Variants in SCNN1A observed in about 807,000 individuals in gnomAD.
The protein encoded by SCNN1A is sodium channel epithelial 1 subunit alpha.
In SCNN1A, 65 loss-of-function variants were observed where a neutral mutation model predicts 68.6. The observed-to-expected ratio is 0.95, with a 90% CI of 0.78 to 1.16. The LOEUF (loss-of-function observed/expected upper bound fraction) is 1.16. SCNN1A is among the 50% of genes most tolerant of loss of function. The pLI, the probability that SCNN1A is intolerant of heterozygous loss-of-function variation, is 0.00. For synonymous variants in SCNN1A, 357 were observed against 353.3 expected (o/e 1.01, Z -0.12); for missense variants, 880 against 865.9 (o/e 1.02, Z -0.20).
chr12:6,349,871 C>A lies in SCNN1A; in HGVS notation c.1361-466G>T. On this transcript the variant is annotated intron_variant, in intron 8 of 12. Transcript: ENST00000228916. ...CCTCCGGAGTAGCTGGGACTACAGG[C>A]GCCCGCCACCACGCCCGGCTAATTT... 3 of 168,388 alleles carry A rather than the reference C, an allele frequency of 1.8e-5. No individual in the cohort carries two copies. The South Asian group carries it at 3.6e-4, about 20-fold the overall frequency. The allele number at this position is 168,388 out of a possible 1,614,324, so 10.4% of individuals were successfully genotyped here. A position where few individuals can be genotyped will look rare whatever the true frequency, so the allele number is the denominator to read the frequency against.
chr12:6,355,197 C>T, intron 6 of SCNN1A, 75 bp downstream of exon 6: 1 of 1,521,030 alleles, frequency 6.6e-7, no homozygotes, highest in Non-Finnish European at 9.0e-7. Flanking sequence ...TCTCCCTCTC[C>T]AGCCTCCCAT....
rs747240615 is a variant in SCNN1A, at chr12:6,355,451, G to A, written c.980-16C>T. 7 of 1,613,348 alleles carry A rather than the reference G, an allele frequency of 4.3e-6. No homozygotes were observed. Among genetic ancestry groups the A allele is most frequent in the Admixed American group, 1.7e-5 (1 of 59,912 alleles). Reference sequence around the variant, plus strand: ...AGGGACAGACCTAGGGGTGCAGAGAGAGCAGAGTTGGCAGAGGCGGGAATC... The same window carrying A: ...AGGGACAGACCTAGGGGTGCAGAGAAAGCAGAGTTGGCAGAGGCGGGAATC... On this transcript the variant is annotated splice_polypyrimidine_tract_variant and intron_variant, in intron 5 of 12. Coordinates refer to ENST00000228916, the MANE Select transcript of SCNN1A (RefSeq NM_001038.6).
Position 6,360,787 on chromosome 12 carries a change from C to CA in SCNN1A, c.875+1263_875+1264insT, listed in dbSNP as rs559148240. On this transcript the variant is annotated intron_variant, in intron 4 of 12. Transcript: ENST00000228916. ...CCAGAGGTTACAGAAGGGGACCCCCCCCTCGCCTCAGCCTCTCCCAGCCCT... is the reference window on the plus strand; with the variant it reads ...CCAGAGGTTACAGAAGGGGACCCCCCACCTCGCCTCAGCCTCTCCCAGCCCT... 2.4e-3 allele frequency among the ~76,000 whole-genome samples: 365 copies of CA among 152,262 alleles called. 1 individual carries two copies. Among genetic ancestry groups the CA allele is most frequent in the African/African-American group, 8.0e-3 (333 of 41,564 alleles).
Position 6,355,794 on chromosome 12 carries a change from ATGG to A in SCNN1A, c.959_961del (p.Ser320_Met321delinsLeu). 1 of 1,611,996 alleles carries A rather than the reference ATGG, an allele frequency of 6.2e-7. No individual in the cohort carries two copies. Among genetic ancestry groups the A allele is most frequent in the Non-Finnish European group, 8.5e-7 (1 of 1,177,994 alleles). The stretch of plus-strand genomic sequence containing the variant: ...CTTCTCACCGTTGTTGATTCCAGGC[ATGG>A]AAGACATCCAGAGGTTGGAGTTGTT... On this transcript the variant is annotated inframe_deletion, in exon 5 of 13. Coordinates refer to ENST00000228916, the MANE Select transcript of SCNN1A (RefSeq NM_001038.6).
At chr12:6,375,312 C>T (rs1472521376) in intron 1 of SCNN1A, 193 bp downstream of exon 1, 12 of 1,438,178 alleles carry the variant, frequency 8.3e-6, no homozygotes, top group Middle Eastern at 2.5e-4. Context: ...TGCCTTGCCC[C>T]CTCTCACTCT....
In SCNN1A at chr12:6,363,454, CGAT is replaced by C. The variant is rs774475900; in HGVS notation, c.670_672del (p.Ile224del). The C allele has an allele frequency of 5.7e-6, 9 of 1,591,382 alleles. No homozygotes were observed. The South Asian group carries it at 9.1e-5, about 16-fold the overall frequency. On this transcript the variant is annotated inframe_deletion, in exon 3 of 13. Coordinates refer to ENST00000228916, the MANE Select transcript of SCNN1A (RefSeq NM_001038.6). ...GCTGCGGGCCTCACCAGCTGGAAGC[CGAT>C]CTTCCAGTCCTTCCAGTCCACCTGG...
rs1262766728 is a variant in SCNN1A at position 6,363,606 on chromosome 12, G to A, written c.521C>T (p.Ser174Phe). Residue 174 changes from serine to phenylalanine, a missense_variant, in exon 3 of 13, where the codon TCC becomes TTC. Physicochemically the swap from Ser to Phe is radical, Grantham distance 155. Transcript: ENST00000228916. ...CCCCCGCAGGTCGCGACGGCTGCGG[G>A]AGCCGGCCACGAGAGTGGTGAAGGA... is the stretch of plus-strand genomic sequence containing the variant. ...YSSFTTLVAGSRSRRDLRGTL... is the reference protein window; with the variant it reads ...YSSFTTLVAGFRSRRDLRGTL... 3 of 1,612,742 alleles carry A rather than the reference G, an allele frequency of 1.9e-6. No homozygotes were observed. In the East Asian group the frequency reaches 6.7e-5, roughly 36 times the overall value.
rs755271752 is a variant in SCNN1A at position 6,374,486 on chromosome 12, A to C, written c.298T>G (p.Trp100Gly). Residue 100 changes from tryptophan (W) to glycine (G), a missense_variant, in exon 2 of 13, where the codon TGG (tryptophan) becomes GGG (glycine). This residue lies in a region of SCNN1A where 45 missense variants were observed against 76.7 expected (regional missense o/e 0.59). Transcript: ENST00000228916. This position sits in a 1 kb window ranked among gnomAD's most constrained non-coding sequence, Gnocchi z 6.2. Reference protein sequence around the residue: ...LWLCTFGMMYWQFGLLFGEYF... With the variant: ...LWLCTFGMMYGQFGLLFGEYF... ...TCTCCGAAAAGCAGGCCGAATTGCC[A>C]GTACATCATGCCAAAGGTGCAGAGC... is the stretch of plus-strand genomic sequence containing the variant. 1 of 1,614,276 alleles carries C rather than the reference A, an allele frequency of 6.2e-7. No individual in the cohort carries two copies. Among genetic ancestry groups the C allele is most frequent in the South Asian group, 1.1e-5 (1 of 91,092 alleles).
intron 2 of SCNN1A, among the ~76,000 whole-genome samples, chr12:6,368,718 C>CT (rs1179857061): frequency 6.6e-6 from 1 of 152,174 alleles, no homozygotes; most frequent in Non-Finnish European, 1.5e-5. Context: ...TCCCTGCTAC[C>CT]TCTGGCTATT....
intron 5 of SCNN1A, 77 bp from the exon 6 acceptor site, chr12:6,355,512 C>T: frequency 3.3e-6 from 5 of 1,519,986 alleles, no homozygotes; most frequent in Non-Finnish European, 4.5e-6. Context: ...TCCACTCTCC[C>T]TTCCTTGCCC....
rs1189953986 is a variant in SCNN1A, at chr12:6,360,135, G to A, written c.875+1916C>T. Among the ~76,000 whole-genome samples the A allele has an allele frequency of 3.3e-5, 5 of 152,332 alleles. No individual in the cohort carries two copies. In the South Asian group the frequency reaches 1.0e-3, roughly 32 times the overall value. On this transcript the variant is annotated intron_variant, in intron 4 of 12. Coordinates refer to ENST00000228916, the MANE Select transcript of SCNN1A (RefSeq NM_001038.6). Reference sequence around the variant, plus strand: ...AGGACTAACTGGAATAGTTACATGTGGTGACGTGAAGTAAGGTTGAAGTAC... The same window carrying A: ...AGGACTAACTGGAATAGTTACATGTAGTGACGTGAAGTAAGGTTGAAGTAC...
In SCNN1A at chr12:6,346,999, G is replaced by C. The variant is rs1948267481; in HGVS notation, c.*874C>G. The C allele has an allele frequency of 6.6e-6, 1 of 152,670 alleles. No individual in the cohort carries two copies. Among genetic ancestry groups the C allele is most frequent in the African/African-American group, 2.4e-5 (1 of 41,464 alleles). 9.5% of individuals were successfully genotyped at this position (152,670 alleles called of 1,614,324 possible). The stretch of plus-strand genomic sequence containing the variant: ...AAGGGAGACACAAATGTACAAGAAA[G>C]TATGGTGCAACAGCAACACTCCAGC... On this transcript the variant is annotated 3_prime_UTR_variant, in exon 13 of 13. Coordinates refer to ENST00000228916, the MANE Select transcript of SCNN1A (RefSeq NM_001038.6).
At chr12:6,369,087 C>G (rs1358809234) in intron 2 of SCNN1A, among the ~76,000 whole-genome samples, 1 of 152,106 alleles carries the variant, frequency 6.6e-6, no homozygotes, top group Non-Finnish European at 1.5e-5. Flanking sequence ...TCCACCACAT[C>G]CTGGCTGGGC....
chr12:6,375,662 C>T (rs56130137), upstream of SCNN1A: 1 of 1,471,582 alleles, frequency 6.8e-7, no homozygotes. Context: ...AAGGAGGGCT[C>T]CCGAGGGCAG....
At chr12:6,373,444 C>T (rs1948830319) in intron 2 of SCNN1A, among the ~76,000 whole-genome samples, 1 of 152,204 alleles carries the variant, frequency 6.6e-6, no homozygotes, top group African/African-American at 2.4e-5. Context: ...AACTACCTGG[C>T]CTTCAATAAA....
Position 6,372,432 on chromosome 12 carries a change from C to G in SCNN1A, c.416+1936G>C, listed in dbSNP as rs112509538. On this transcript the variant is annotated intron_variant, in intron 2 of 12. Coordinates refer to ENST00000228916, the MANE Select transcript of SCNN1A (RefSeq NM_001038.6). The surrounding 1 kb of genome is among the most constrained non-coding windows in gnomAD (Gnocchi z 5.8). The stretch of plus-strand genomic sequence containing the variant: ...CCTCTCCTAGGTGTTCTCTCCCTCC[C>G]GACTCCCACAGCAGCCCTTCAAGAA... Among the ~76,000 whole-genome samples the G allele has an allele frequency of 1.3e-5, 2 of 152,200 alleles. No individual in the cohort carries two copies. Among genetic ancestry groups the G allele is most frequent in the African/African-American group, 4.8e-5 (2 of 41,440 alleles).
At chr12:6,361,047 G>A (rs1458270169) in intron 4 of SCNN1A, among the ~76,000 whole-genome samples, 2 of 152,234 alleles carry the variant, frequency 1.3e-5, no homozygotes, top group Admixed American at 1.3e-4. Context: ...CTCTTGAGAT[G>A]AGTGTTATCG....
chr12:6,347,737 T>C lies in SCNN1A; in HGVS notation c.*136A>G. On this transcript the variant is annotated 3_prime_UTR_variant, in exon 13 of 13. Coordinates refer to ENST00000228916, the MANE Select transcript of SCNN1A (RefSeq NM_001038.6). ...GCAACTTCCTGAGCCCTTACCCATC[T>C]TGCTTCCCCTCCACACATCAACGGC... 1.3e-6 allele frequency: 1 copy of C among 753,876 alleles called. No individual in the cohort carries two copies. The highest frequency in any genetic ancestry group is 1.5e-5 in the South Asian group (1 of 64,910). 46.7% of individuals were successfully genotyped at this position (753,876 alleles called of 1,614,324 possible).
chr12:6,348,281 G>A (rs1948299952), intron 12 of SCNN1A, 28 bp from the exon 13 acceptor site: 1 of 1,613,584 alleles, frequency 6.2e-7, no homozygotes, highest in South Asian at 1.1e-5. Flanking sequence ...CATTGACGAT[G>A]GGACAGAGGG....
Sources: gnomAD v4.1 joint callset for allele counts (sites outside exome capture counted in the v4.1 genomes callset) on GRCh38, gnomAD v4.1.1 for gene constraint, gnomAD v4.1.1 regional missense constraint, Gnocchi (gnomAD v3.1) non-coding constraint, MANE v1.5 for transcripts, NCBI Gene and HGNC (gene_info 2026-07-23, HGNC 2026-07-21) for gene names.